The following SDHB variants were observed in gnomAD, a reference collection of about 807,000 sequenced individuals.
The protein encoded by SDHB is succinate dehydrogenase complex iron sulfur subunit B.
Under a neutral mutation model 39.7 loss-of-function variants are expected in SDHB, and 21 were observed. The ratio of observed to expected loss-of-function variants is 0.53; its 90% CI spans 0.37 to 0.76. The LOEUF (loss-of-function observed/expected upper bound fraction) is 0.76, where lower values mean the gene tolerates loss of function less well. SDHB is among the 30% of genes least tolerant of loss of function. SDHB has a pLI of 0.00. For missense variants in SDHB, 343 were observed against 350.9 expected (o/e 0.98, Z 0.18); for synonymous variants, 118 against 117.0 (o/e 1.01, Z -0.06).
intron 1 of SDHB, among the ~76,000 whole-genome samples, chr1:17,045,643 T>C (rs2078105123): frequency 6.6e-6 from 1 of 151,966 alleles, no homozygotes; most frequent in Admixed American, 6.6e-5. Flanking sequence ...AAGACTATAC[T>C]CCAGGACTGC....
chr1:17,026,219 G>A (rs2101519616), intron 5 of SDHB, among the ~76,000 whole-genome samples: 1 of 152,334 alleles, frequency 6.6e-6, no homozygotes, highest in East Asian at 1.9e-4. Flanking sequence ...ACTCTGGGAG[G>A]TAGAAACTGA....
chr1:17,039,305 C>A (rs9325647), intron 2 of SDHB, among the ~76,000 whole-genome samples: 32,884 of 150,252 alleles, frequency 0.22, 4,175 homozygotes, highest in East Asian at 0.54. Context: ...TTACTCTTGG[C>A]TGGGCATGGT....
intron 3 of SDHB, among the ~76,000 whole-genome samples, chr1:17,029,481 G>C (rs919254205): frequency 2.0e-5 from 3 of 151,510 alleles, no homozygotes; most frequent in Non-Finnish European, 2.9e-5. Context: ...GCCCAGGCTG[G>C]AGTGCAATGC....
intron 7 of SDHB, among the ~76,000 whole-genome samples, chr1:17,021,138 G>C (rs572513254): frequency 6.6e-5 from 10 of 152,360 alleles, no homozygotes; most frequent in African/African-American, 2.4e-4. Flanking sequence ...GCTATGGTTT[G>C]AATGTGTCCC....
At chr1:17,050,889 C>T (rs1033215593) in intron 1 of SDHB, among the ~76,000 whole-genome samples, 2 of 152,146 alleles carry the variant, frequency 1.3e-5, no homozygotes, top group African/African-American at 2.4e-5. Flanking sequence ...TTTCATTCAT[C>T]GAACCTTTAT....
Position 17,022,189 on chromosome 1 carries a change from A to G in SDHB, c.765+419T>C, listed in dbSNP as rs190317832. Among the ~76,000 whole-genome samples, 609 of 152,334 alleles carry G rather than the reference A, an allele frequency of 4.0e-3. 5 individuals are homozygous for G. Among genetic ancestry groups the G allele is most frequent in the African/African-American group, 0.014 (579 of 41,574 alleles). ...TTTGAGTCAGAGAAAACCTCCACAG[A>G]GCCGAAGGAAAGAACAGGCTGCTAG... On this transcript the variant is annotated intron_variant, in intron 7 of 7. Transcript: ENST00000375499.
rs142397986 is a variant in SDHB at position 17,030,354 on chromosome 1, T to C, written c.287-1618A>G. ...CTTGACAGAGGTAAGGCTTCTTCTATTGTCTTCATAAAATACGCAGCATAG... is the reference window on the plus strand; with the variant it reads ...CTTGACAGAGGTAAGGCTTCTTCTACTGTCTTCATAAAATACGCAGCATAG... On this transcript the variant is annotated intron_variant, in intron 3 of 7. Coordinates refer to ENST00000375499, the MANE Select transcript of SDHB (RefSeq NM_003000.3). 3.0e-3 allele frequency among the ~76,000 whole-genome samples: 458 copies of C among 152,254 alleles called. 1 individual carries two copies. Among genetic ancestry groups the C allele is most frequent in the African/African-American group, 0.01 (436 of 41,542 alleles).
chr1:17,019,321 A>C (rs1054041136), intron 7 of SDHB, among the ~76,000 whole-genome samples: 1 of 152,164 alleles, frequency 6.6e-6, no homozygotes, highest in Non-Finnish European at 1.5e-5. Flanking sequence ...GACATCTCTA[A>C]ATCTTTTACA....
At chr1:17,044,916 G>T in intron 1 of SDHB, 28 bp from the exon 2 acceptor site, 1 of 1,594,300 alleles carries the variant, frequency 6.3e-7, no homozygotes, top group South Asian at 1.1e-5. Flanking sequence ...TCACAAAAAG[G>T]AAAAAAAAAT....
At chr1:17,029,108 T>TG (rs1232029823) in intron 3 of SDHB, among the ~76,000 whole-genome samples, 31 of 144,102 alleles carry the variant, frequency 2.2e-4, no homozygotes, top group Admixed American at 6.3e-4. Context: ...TTTTTTTTTT[T>TG]TTTTTTTTTT....
intron 2 of SDHB, among the ~76,000 whole-genome samples, chr1:17,040,639 T>G (rs1042791925): frequency 2.6e-5 from 4 of 151,924 alleles, no homozygotes; most frequent in Non-Finnish European, 4.4e-5. Context: ...AAGAAAAAAT[T>G]TTTTTAGTAG....
intron 2 of SDHB, among the ~76,000 whole-genome samples, chr1:17,039,855 T>C (rs1168547336): frequency 6.6e-6 from 1 of 152,208 alleles, no homozygotes; most frequent in African/African-American, 2.4e-5. Flanking sequence ...TAAACAGTCA[T>C]ATTAATTTTA....
At chr1:17,019,026 G>T in intron 7 of SDHB, 68 bp from the exon 8 acceptor site, 1 of 1,213,984 alleles carries the variant, frequency 8.2e-7, no homozygotes, top group South Asian at 1.2e-5. Flanking sequence ...CCACAATCTT[G>T]GGTGAAACTC....
chr1:17,028,874 T>G, intron 3 of SDHB, 138 bp from the exon 4 acceptor site: 1 of 1,056,916 alleles, frequency 9.5e-7, no homozygotes, highest in South Asian at 1.3e-5. Context: ...GAGGTGCCTG[T>G]TGGCTTTTCT....
chr1:17,023,824 A>T (rs2077976404), intron 6 of SDHB, 149 bp downstream of exon 6: 3 of 701,916 alleles, frequency 4.3e-6, no homozygotes, highest in Non-Finnish European at 7.7e-6. Context: ...GCAAGTGAAT[A>T]CAATGCAACC....
chr1:17,045,366 C>CA (rs1456119189), intron 1 of SDHB: 2 of 181,078 alleles, frequency 1.1e-5, no homozygotes, highest in African/African-American at 4.8e-5. Flanking sequence ...GCAGTCTCAG[C>CA]ACTTTGGGAG....
At chr1:17,020,424 T>A (rs1435085332) in intron 7 of SDHB, among the ~76,000 whole-genome samples, 1 of 152,206 alleles carries the variant, frequency 6.6e-6, no homozygotes, top group Non-Finnish European at 1.5e-5. Flanking sequence ...AGTTTCATGA[T>A]CGGCCTATGT....
chr1:17,028,700 C>T lies in SDHB; in HGVS notation c.323G>A (p.Gly108Asp), dbSNP rs767062764. 1.5e-5 allele frequency: 25 copies of T among 1,613,956 alleles called. No individual in the cohort carries two copies. The highest frequency in any genetic ancestry group is 1.9e-5 in the Non-Finnish European group (22 of 1,180,012). Residue 108 changes from glycine to aspartate, a missense_variant, in exon 4 of 8, where the codon GGC becomes GAC. By Grantham distance (94) the Gly-to-Asp change is moderately conservative. Coordinates refer to ENST00000375499, the MANE Select transcript of SDHB (RefSeq NM_003000.3). ...CCTTCGGGTGCAAGCTAGAGTGTTG[C>T]CTCCATTGATGTTCATTGCACAAGA... ...CGSCAMNING[G>D]NTLACTRRID...
At chr1:17,030,509 G>T (rs1355234931) in intron 3 of SDHB, among the ~76,000 whole-genome samples, 1 of 152,114 alleles carries the variant, frequency 6.6e-6, no homozygotes, top group Non-Finnish European at 1.5e-5. Flanking sequence ...CCAGGACCCC[G>T]ACATGAGAAT....
Sources: allele counts gnomAD v4.1 joint callset (sites outside exome capture counted in the v4.1 genomes callset), GRCh38; gene constraint gnomAD v4.1.1; transcripts MANE v1.5; gene names NCBI Gene and HGNC (gene_info 2026-07-23, HGNC 2026-07-21).